Variants in JMY observed in about 807,000 individuals in gnomAD.
The protein encoded by JMY is junction-mediating and -regulatory protein.
A neutral mutation model predicts 103.3 loss-of-function variants in JMY; 46 were observed. The ratio of observed to expected loss-of-function variants is 0.45; its 90% CI spans 0.35 to 0.57. The LOEUF is 0.57. Ranked by LOEUF, JMY falls within the 20% of genes least tolerant of loss-of-function variation. JMY has a pLI of 0.00. For synonymous variants in JMY, 526 were observed against 489.3 expected, an observed-to-expected ratio of 1.07 and a Z score of -0.99; for missense variants, 1,238 against 1,255.2, an observed-to-expected ratio of 0.99 and a Z score of 0.21.
intron 2 of JMY, among the ~76,000 whole-genome samples, chr5:79,282,162 A>G (rs1034479887): frequency 2.6e-5 from 4 of 152,254 alleles, no homozygotes; most frequent in South Asian, 2.1e-4. Flanking sequence ...AGCCGAGATC[A>G]TGCCACTGCA....
At chr5:79,310,796 C>T (rs1747023773) in intron 7 of JMY, among the ~76,000 whole-genome samples, 1 of 152,080 alleles carries the variant, frequency 6.6e-6, no homozygotes, top group Non-Finnish European at 1.5e-5. Flanking sequence ...CTGTTTTCCC[C>T]ATTAAAGAAT....
Position 79,277,966 on chromosome 5 carries a change from G to C in JMY, c.1089G>C (p.Gln363His), listed in dbSNP as rs1205992983. The change falls in exon 2 of 11, where the codon CAG becomes CAC. Residue 363 changes from glutamine to histidine, a missense_variant. By Grantham distance (24) the Gln-to-His change is conservative. Coordinates refer to ENST00000396137, the MANE Select transcript of JMY (RefSeq NM_152405.5). ...TGGTGGAGCTTCTGGACTTGTATCAGATGGAGGATGAAGCCTACAGCAGCC... is the reference window on the plus strand; with the variant it reads ...TGGTGGAGCTTCTGGACTTGTATCACATGGAGGATGAAGCCTACAGCAGCC... Reference protein sequence around the residue: ...ESMVELLDLYQMEDEAYSSLA... With the variant: ...ESMVELLDLYHMEDEAYSSLA... 1.2e-6 allele frequency: 2 copies of C among 1,613,964 alleles called. No individual in the cohort carries two copies. The highest frequency in any genetic ancestry group is 1.1e-5 in the South Asian group (1 of 91,072).
At chr5:79,290,940 G>A (rs561438753) in intron 3 of JMY, among the ~76,000 whole-genome samples, 190 bp from the exon 4 acceptor site, 2 of 152,210 alleles carry the variant, frequency 1.3e-5, no homozygotes, top group East Asian at 3.9e-4. Flanking sequence ...AGCTGAAATC[G>A]CGCCACTGCA....
rs533694477 is a variant in JMY at position 79,324,597 on chromosome 5, A to G, written c.*2995A>G. On this transcript the variant is annotated 3_prime_UTR_variant, in exon 11 of 11. Coordinates refer to ENST00000396137, the MANE Select transcript of JMY (RefSeq NM_152405.5). ...ATAACCAATGTAGCATGTGTAGGAAAGGTATTTTTAATTATTTAAAATCAT... is the reference window on the plus strand; with the variant it reads ...ATAACCAATGTAGCATGTGTAGGAAGGGTATTTTTAATTATTTAAAATCAT... The G allele has an allele frequency of 2.6e-5, 4 of 152,366 alleles. No homozygotes were observed. In the South Asian group the frequency reaches 6.2e-4, roughly 24 times the overall value. 9.4% of individuals were successfully genotyped at this position (152,366 alleles called of 1,614,324 possible).
At chr5:79,303,551 A>C (rs995096491) in intron 6 of JMY, among the ~76,000 whole-genome samples, 3 of 152,350 alleles carry the variant, frequency 2.0e-5, no homozygotes, top group African/African-American at 7.2e-5. Context: ...GGCACAGGCT[A>C]TGAAAGACTG....
intron 2 of JMY, among the ~76,000 whole-genome samples, chr5:79,279,198 G>A (rs1377115600): frequency 1.3e-5 from 2 of 152,052 alleles, no homozygotes; most frequent in East Asian, 1.9e-4. Flanking sequence ...GCTGAGCATG[G>A]TAGTGCATGC....
intron 1 of JMY, among the ~76,000 whole-genome samples, chr5:79,258,518 T>C (rs1320364904): frequency 6.6e-6 from 1 of 152,084 alleles, no homozygotes; most frequent in Non-Finnish European, 1.5e-5. Context: ...GTCCCATGCC[T>C]GCCAAGGGAG....
At chr5:79,272,266 C>T (rs1206203298) in intron 1 of JMY, among the ~76,000 whole-genome samples, 2 of 152,180 alleles carry the variant, frequency 1.3e-5, no homozygotes, top group South Asian at 2.1e-4. Context: ...CAATATTTAT[C>T]TCTTCTAGGC....
intron 1 of JMY, among the ~76,000 whole-genome samples, chr5:79,268,784 G>A (rs763779589): frequency 2.0e-5 from 3 of 152,106 alleles, no homozygotes; most frequent in Non-Finnish European, 2.9e-5. Context: ...CACCGCGCCC[G>A]GTGAGCATCT....
intron 2 of JMY, 23 bp downstream of exon 2, chr5:79,278,106 T>A: frequency 6.4e-7 from 1 of 1,574,590 alleles, no homozygotes; most frequent in Non-Finnish European, 8.7e-7. Context: ...TAATCCTAAC[T>A]AGTAGCCTGC....
chr5:79,299,907 CAT>C (rs1746680025), intron 4 of JMY, among the ~76,000 whole-genome samples: 1 of 152,076 alleles, frequency 6.6e-6, no homozygotes, highest in Non-Finnish European at 1.5e-5. Context: ...ATAAGTATAA[CAT>C]AAACATTAAA....
At chr5:79,238,559 C>T (rs1744596761) in intron 1 of JMY, among the ~76,000 whole-genome samples, 2 of 151,886 alleles carry the variant, frequency 1.3e-5, no homozygotes, top group Non-Finnish European at 2.9e-5. Flanking sequence ...ATGGATACTA[C>T]TACACGTAGT....
At position 79,268,780 on chromosome 5, in the gene JMY, G is replaced by A. The variant is rs1365234097; in HGVS notation, c.1033-9130G>A. Among the ~76,000 whole-genome samples the A allele has an allele frequency of 3.3e-5, 5 of 152,152 alleles. No individual in the cohort carries two copies. In the South Asian group the frequency reaches 6.2e-4, roughly 19 times the overall value. ...TGGGATTACAGGCGTGAGCCACCGC[G>A]CCCGGTGAGCATCTTTTCACATGCT... On this transcript the variant is annotated intron_variant, in intron 1 of 10. Coordinates refer to ENST00000396137, the MANE Select transcript of JMY (RefSeq NM_152405.5).
At chr5:79,270,610 A>G (rs1433548776) in intron 1 of JMY, among the ~76,000 whole-genome samples, 1 of 142,556 alleles carries the variant, frequency 7.0e-6, no homozygotes, top group African/African-American at 2.6e-5. Context: ...ATATTTACAT[A>G]AATGTTTATA....
At position 79,292,431 on chromosome 5, in the gene JMY, C is replaced by T. The variant is rs191468801; in HGVS notation, c.1527+1132C>T. Among the ~76,000 whole-genome samples, 82 of 152,218 alleles carry T rather than the reference C, an allele frequency of 5.4e-4. 1 individual carries two copies. In the East Asian group the frequency reaches 0.011, roughly 20 times the overall value. On this transcript the variant is annotated intron_variant, in intron 4 of 10. Coordinates refer to ENST00000396137, the MANE Select transcript of JMY (RefSeq NM_152405.5). ...TCTTGGGGCTCAAGCAGTCCTACCT[C>T]AGGCTCCTGAGTAGCAGGCACGCAC...
In JMY at chr5:79,300,274, T is replaced by C; in HGVS notation, c.1649T>C (p.Leu550Ser). 6.3e-7 allele frequency: 1 copy of C among 1,593,132 alleles called. No homozygotes were observed. Among genetic ancestry groups the C allele is most frequent in the Non-Finnish European group, 8.5e-7 (1 of 1,171,680 alleles). The change falls in exon 5 of 11, where the codon TTA becomes TCA. Residue 550 changes from leucine to serine, a missense_variant. Coordinates refer to ENST00000396137, the MANE Select transcript of JMY (RefSeq NM_152405.5). ...TTTGAAATCTTGAAGTGTGAAGAGTTACTATTGACAGCGCAACTAGAAAGC... is the reference window on the plus strand; with the variant it reads ...TTTGAAATCTTGAAGTGTGAAGAGTCACTATTGACAGCGCAACTAGAAAGC... ...VQFEILKCEELLLTAQLESIK... is the reference protein window; with the variant it reads ...VQFEILKCEESLLTAQLESIK...
At chr5:79,247,232 A>G (rs530712710) in intron 1 of JMY, among the ~76,000 whole-genome samples, 18 of 152,356 alleles carry the variant, frequency 1.2e-4, no homozygotes, top group African/African-American at 4.3e-4. Flanking sequence ...TCTTAATTAT[A>G]TACATATACT....
intron 1 of JMY, among the ~76,000 whole-genome samples, chr5:79,252,997 CAT>C (rs1745134375): frequency 6.6e-6 from 1 of 152,024 alleles, no homozygotes; most frequent in Non-Finnish European, 1.5e-5. Flanking sequence ...TCTCTTTCTT[CAT>C]GTCTTTTATT....
At chr5:79,284,732 T>C (rs1169762121) in intron 2 of JMY, 2 of 1,589,452 alleles carry the variant, frequency 1.3e-6, no homozygotes, top group Admixed American at 1.7e-5. Context: ...ACACGACCCT[T>C]GAGACCATCA....
Sources: gnomAD v4.1 joint callset for allele counts (sites outside exome capture counted in the v4.1 genomes callset) on GRCh38, gnomAD v4.1.1 for gene constraint, MANE v1.5 for transcripts, NCBI Gene and HGNC (gene_info 2026-07-23, HGNC 2026-07-21) for gene names.